Variants in NFIB observed in about 807,000 individuals in gnomAD.
The protein encoded by NFIB is nuclear factor 1 B-type.
Under a neutral mutation model 61.5 loss-of-function variants are expected in NFIB, and 11 were observed. The observed-to-expected ratio is 0.18, with a 90% confidence interval of 0.11 to 0.30. The LOEUF (loss-of-function observed/expected upper bound fraction) is 0.30. NFIB is among the 10% of genes least tolerant of loss of function. The pLI, the probability that NFIB is intolerant of heterozygous loss-of-function variation, is 1.00. For synonymous variants in NFIB, 260 were observed against 216.5 expected (o/e 1.20, Z -1.76); for missense variants, 471 against 608.9 (o/e 0.77, Z 2.38).
At chr9:14,457,237 G>A in the NFIB span, among the ~76,000 whole-genome samples, 2 of 152,118 alleles carry the variant, frequency 1.3e-5, no homozygotes, top group Non-Finnish European at 2.9e-5. Context: ...GAACAGGGTG[G>A]AAGTTACACT....
At chr9:14,325,306 G>C (rs2132835510) in intron 1 of NFIB, among the ~76,000 whole-genome samples, 1 of 152,116 alleles carries the variant, frequency 6.6e-6, no homozygotes, top group Admixed American at 6.5e-5. Context: ...TTAAGTTGCA[G>C]GCACAATTCA....
chr9:14,493,199 T>G, the NFIB span, among the ~76,000 whole-genome samples: 1 of 152,184 alleles, frequency 6.6e-6, no homozygotes, highest in Admixed American at 6.5e-5. Flanking sequence ...AAGGCCATAT[T>G]TGGCCTGGCT....
At chr9:14,456,971 G>A in the NFIB span, among the ~76,000 whole-genome samples, 1 of 152,240 alleles carries the variant, frequency 6.6e-6, no homozygotes, top group Non-Finnish European at 1.5e-5. Context: ...ATAAATTATA[G>A]TACAGGTCCA....
At chr9:14,450,616 A>G in the NFIB span, among the ~76,000 whole-genome samples, 5,878 of 152,156 alleles carry the variant, frequency 0.039, 357 homozygotes, top group African/African-American at 0.13. Flanking sequence ...CTGCATTGAG[A>G]GACTCCCTTT....
intron 2 of NFIB, among the ~76,000 whole-genome samples, chr9:14,218,039 C>T (rs923179515): frequency 6.6e-6 from 1 of 152,106 alleles, no homozygotes; most frequent in African/African-American, 2.4e-5. Context: ...TCCGTGTTTG[C>T]TGGGAGTTCC....
At chr9:14,418,023 C>G in the NFIB span, among the ~76,000 whole-genome samples, 1 of 152,144 alleles carries the variant, frequency 6.6e-6, no homozygotes, top group Non-Finnish European at 1.5e-5. Context: ...AGGTGATCCA[C>G]CCACCTCGGC....
chr9:14,249,660 G>C (rs904200107), intron 2 of NFIB, among the ~76,000 whole-genome samples: 1 of 151,702 alleles, frequency 6.6e-6, no homozygotes, highest in Non-Finnish European at 1.5e-5. Flanking sequence ...TAAAAAAATA[G>C]AAAGGAAGGA....
chr9:14,473,425 T>G, the NFIB span, among the ~76,000 whole-genome samples: 3 of 152,234 alleles, frequency 2.0e-5, no homozygotes, highest in Non-Finnish European at 1.5e-5. Context: ...TGTAGAAAAG[T>G]CAATTCAAGC....
intron 2 of NFIB, among the ~76,000 whole-genome samples, chr9:14,251,737 A>C (rs1207882737): frequency 6.6e-6 from 1 of 152,204 alleles, no homozygotes; most frequent in Non-Finnish European, 1.5e-5. Flanking sequence ...CAAATCCTGC[A>C]CGGGCATCCT....
At chr9:14,498,634 G>A in the NFIB span, among the ~76,000 whole-genome samples, 3 of 152,116 alleles carry the variant, frequency 2.0e-5, no homozygotes, top group African/African-American at 4.8e-5. Context: ...GAGGAAATTT[G>A]GGTGTCTGGA....
chr9:14,304,457 A>C (rs2059916185), intron 2 of NFIB, among the ~76,000 whole-genome samples: 2 of 152,224 alleles, frequency 1.3e-5, no homozygotes, highest in South Asian at 4.1e-4. Flanking sequence ...TGCGGATGCC[A>C]ACTAACAAAT....
chr9:14,376,150 T>C (rs2061416697), intron 1 of NFIB, among the ~76,000 whole-genome samples: 1 of 152,166 alleles, frequency 6.6e-6, no homozygotes, highest in South Asian at 2.1e-4. Context: ...AGTCTTAAAC[T>C]CCTGGGCTCA....
At chr9:14,155,477 C>T (rs1276769440) in intron 4 of NFIB, among the ~76,000 whole-genome samples, 1 of 152,112 alleles carries the variant, frequency 6.6e-6, no homozygotes, top group East Asian at 1.9e-4. Context: ...CTACAGGAAA[C>T]TTATGTGGGT....
At chr9:14,145,501 A>G (rs1003251907) in intron 6 of NFIB, among the ~76,000 whole-genome samples, 35 of 152,120 alleles carry the variant, frequency 2.3e-4, no homozygotes, top group African/African-American at 4.8e-5. Context: ...AGCAGCAAAG[A>G]AGGAGCACTG....
the NFIB span, among the ~76,000 whole-genome samples, chr9:14,518,925 AG>A: frequency 6.6e-6 from 1 of 152,094 alleles, no homozygotes; most frequent in Non-Finnish European, 1.5e-5. Flanking sequence ...TCTGCTAAGA[AG>A]GGGGCTATTG....
the NFIB span, among the ~76,000 whole-genome samples, chr9:14,468,267 A>C: frequency 2.0e-5 from 3 of 152,232 alleles, no homozygotes; most frequent in Non-Finnish European, 4.4e-5. Flanking sequence ...GGACTTATCA[A>C]ACTTAAAGGT....
chr9:14,470,337 C>G, the NFIB span, among the ~76,000 whole-genome samples: 1 of 152,164 alleles, frequency 6.6e-6, no homozygotes, highest in Non-Finnish European at 1.5e-5. Context: ...TCTTATACAA[C>G]TCTAAATTGC....
chr9:14,367,805 C>T (rs1298931910), intron 1 of NFIB, among the ~76,000 whole-genome samples: 1 of 152,144 alleles, frequency 6.6e-6, no homozygotes, highest in Non-Finnish European at 1.5e-5. Flanking sequence ...CGCACGTTCT[C>T]ACTCATAAGA....
At chr9:14,284,163 T>C (rs1422458124) in intron 2 of NFIB, among the ~76,000 whole-genome samples, 1 of 152,178 alleles carries the variant, frequency 6.6e-6, no homozygotes, top group African/African-American at 2.4e-5. Flanking sequence ...TATTATTTGA[T>C]GAGAATACCT....
Sources: allele counts gnomAD v4.1 joint callset (sites outside exome capture counted in the v4.1 genomes callset), GRCh38; gene constraint gnomAD v4.1.1; transcripts MANE v1.5; gene names NCBI Gene and HGNC (gene_info 2026-07-23, HGNC 2026-07-21).